The following FHIT variants were observed in gnomAD, a reference collection of about 807,000 sequenced individuals.
FHIT encodes fragile histidine triad diadenosine triphosphatase.
FHIT carries 19 observed loss-of-function variants against 17.9 expected under a neutral mutation model. That is an observed-to-expected ratio of 1.06 (90% CI 0.74 to 1.56). FHIT has a LOEUF of 1.56. Among genes scored for constraint, FHIT ranks in the 40% most tolerant of loss-of-function variants. FHIT has a pLI of 0.00. For synonymous variants in FHIT, 81 were observed against 69.7 expected, an observed-to-expected ratio of 1.16 and a Z score of -0.81; for missense variants, 248 against 189.2, an observed-to-expected ratio of 1.31 and a Z score of -1.82.
At chr3:60,490,529 T>A (rs915115219) in intron 5 of FHIT, among the ~76,000 whole-genome samples, 1 of 151,442 alleles carries the variant, frequency 6.6e-6, no homozygotes, top group African/African-American at 2.5e-5. Flanking sequence ...CTGTAACTAC[T>A]CCAGCCCAGG....
At chr3:60,301,244 T>C (rs73101252) in intron 5 of FHIT, among the ~76,000 whole-genome samples, 88 of 152,294 alleles carry the variant, frequency 5.8e-4, no homozygotes, top group Non-Finnish European at 1.1e-3. Context: ...ACATGTCATA[T>C]TGGCATTGCT....
At chr3:60,496,595 G>A (rs1309078301) in intron 5 of FHIT, among the ~76,000 whole-genome samples, 2 of 152,136 alleles carry the variant, frequency 1.3e-5, no homozygotes, top group Non-Finnish European at 2.9e-5. Flanking sequence ...TCCAATGTTG[G>A]AGAAATGTGT....
At chr3:60,991,951 C>T (rs1465854623) in intron 3 of FHIT, among the ~76,000 whole-genome samples, 1 of 152,040 alleles carries the variant, frequency 6.6e-6, no homozygotes, top group Admixed American at 6.6e-5. Flanking sequence ...GTGCTCCAGG[C>T]CCTTGGACAA....
chr3:60,885,977 G>C (rs180758170), intron 3 of FHIT, among the ~76,000 whole-genome samples: 2 of 152,058 alleles, frequency 1.3e-5, no homozygotes, highest in Non-Finnish European at 2.9e-5. Context: ...TAAAATAAAA[G>C]CTCAATGAGA....
At chr3:60,951,253 C>G (rs1708873072) in intron 3 of FHIT, among the ~76,000 whole-genome samples, 1 of 152,086 alleles carries the variant, frequency 6.6e-6, no homozygotes, top group South Asian at 2.1e-4. Context: ...TCAAATCATC[C>G]AAGGAACAAA....
Position 60,153,344 on chromosome 3 carries a change from C to T in FHIT, c.104-139192G>A, listed in dbSNP as rs369672551. Among the ~76,000 whole-genome samples, 29 of 118,038 alleles carry T rather than the reference C, an allele frequency of 2.5e-4. No homozygotes were observed. In the East Asian group the frequency reaches 3.2e-3, roughly 13 times the overall value. The allele number at this position is 118,038 out of a possible 152,430, so 77.4% of individuals were successfully genotyped here. ...GATAAACCGAGTGAAAGAAAGGTAACTTTCACTCACAATTCACCAGAAAAA... is the reference window on the plus strand; with the variant it reads ...GATAAACCGAGTGAAAGAAAGGTAATTTTCACTCACAATTCACCAGAAAAA... On this transcript the variant is annotated intron_variant, in intron 5 of 9. Transcript: ENST00000492590.
At chr3:60,526,291 C>G (rs956700464) in intron 5 of FHIT, among the ~76,000 whole-genome samples, 83 of 152,122 alleles carry the variant, frequency 5.5e-4, no homozygotes, top group African/African-American at 2.0e-3. Flanking sequence ...AAAGTCTCGC[C>G]CCCGTTTGTT....
chr3:60,382,713 T>C (rs1030223853), intron 5 of FHIT, among the ~76,000 whole-genome samples: 3 of 152,168 alleles, frequency 2.0e-5, no homozygotes, highest in African/African-American at 2.4e-5. Flanking sequence ...ACTTAGGAAT[T>C]GTTTTTTGGA....
chr3:61,132,893 T>C (rs1306989318), intron 2 of FHIT, among the ~76,000 whole-genome samples: 1 of 152,186 alleles, frequency 6.6e-6, no homozygotes, highest in Non-Finnish European at 1.5e-5. Context: ...GTGAAAGAAC[T>C]CTGGCAGAAA....
rs566680132 is a variant in FHIT at position 60,928,808 on chromosome 3, C to T, written c.-110-106797G>A. On this transcript the variant is annotated intron_variant, in intron 3 of 9. Transcript: ENST00000492590. Reference sequence around the variant, plus strand: ...AGTGCAAGGAGGAGCTGGTACCATTCCTTCTGAAACTATTCCAATCAATAG... The same window carrying T: ...AGTGCAAGGAGGAGCTGGTACCATTTCTTCTGAAACTATTCCAATCAATAG... Among the ~76,000 whole-genome samples, 4 of 152,262 alleles carry T rather than the reference C, an allele frequency of 2.6e-5. No individual in the cohort carries two copies. The South Asian group carries it at 8.3e-4, about 32-fold the overall frequency.
At chr3:60,864,138 G>A (rs1704051074) in intron 3 of FHIT, among the ~76,000 whole-genome samples, 4 of 152,070 alleles carry the variant, frequency 2.6e-5, no homozygotes, top group Admixed American at 2.0e-4. Context: ...TTAATCACGA[G>A]AACAGCATGG....
chr3:60,140,827 C>G (rs746369627), intron 5 of FHIT, among the ~76,000 whole-genome samples: 36 of 152,086 alleles, frequency 2.4e-4, no homozygotes, highest in Non-Finnish European at 4.6e-4. Context: ...ATCCACCTGC[C>G]TCGGCCTTCC....
chr3:60,966,559 C>T (rs551970842), intron 3 of FHIT, among the ~76,000 whole-genome samples: 1 of 152,310 alleles, frequency 6.6e-6, no homozygotes, highest in South Asian at 2.1e-4. Flanking sequence ...ATTCAGCCAT[C>T]TTGGAACCTC....
intron 5 of FHIT, among the ~76,000 whole-genome samples, chr3:60,119,043 T>G (rs62240214): frequency 0.27 from 40,632 of 151,046 alleles, 6,229 homozygotes; most frequent in Non-Finnish European, 0.36. Context: ...AAAAAAAACN[T>G]CAGGGTCATT....
At chr3:60,785,082 G>A (rs1055474010) in intron 4 of FHIT, among the ~76,000 whole-genome samples, 1 of 152,180 alleles carries the variant, frequency 6.6e-6, no homozygotes, top group Non-Finnish European at 1.5e-5. Flanking sequence ...GAAAGATGGG[G>A]ATCTGAACAG....
intron 5 of FHIT, among the ~76,000 whole-genome samples, chr3:60,313,254 A>G (rs1576460670): frequency 6.6e-6 from 1 of 152,210 alleles, no homozygotes; most frequent in African/African-American, 2.4e-5. Flanking sequence ...TTTTATAAAC[A>G]CTCTACAATA....
chr3:61,162,810 A>C (rs1471522618), intron 2 of FHIT, among the ~76,000 whole-genome samples: 4 of 152,002 alleles, frequency 2.6e-5, no homozygotes, highest in Admixed American at 2.6e-4. Context: ...CCCCTACCCC[A>C]CCCTCAGAAA....
chr3:60,632,515 G>A (rs72872728), intron 4 of FHIT, among the ~76,000 whole-genome samples: 1,662 of 152,226 alleles, frequency 0.011, 38 homozygotes, highest in African/African-American at 0.038. Context: ...GACAGTTTCC[G>A]CAGGGACGTA....
Position 59,860,541 on chromosome 3 carries a change from C to G in FHIT, c.348+61805G>C, listed in dbSNP as rs1019234516. 3.3e-5 allele frequency among the ~76,000 whole-genome samples: 5 copies of G among 152,294 alleles called. No homozygotes were observed. In the South Asian group the frequency reaches 1.0e-3, roughly 32 times the overall value. ...CAAATCACCACCCATAACATCCACA[C>G]CCTTCATCAACACCCTTAAGACACA... On this transcript the variant is annotated intron_variant, in intron 8 of 9. Transcript: ENST00000492590.
Sources: allele counts gnomAD v4.1 joint callset (sites outside exome capture counted in the v4.1 genomes callset), GRCh38; gene constraint gnomAD v4.1.1; transcripts MANE v1.5; gene names NCBI Gene and HGNC (gene_info 2026-07-23, HGNC 2026-07-21).